Variants in CCDC88C observed in about 807,000 individuals in gnomAD.
CCDC88C encodes protein Daple.
In CCDC88C, 131 loss-of-function variants were observed where a neutral mutation model predicts 198.8. The ratio of observed to expected loss-of-function variants is 0.66; its 90% CI spans 0.57 to 0.76. The LOEUF (loss-of-function observed/expected upper bound fraction) is 0.76, where lower values mean the gene tolerates loss of function less well. CCDC88C is among the 30% of genes least tolerant of loss of function. The pLI is 0.00. For missense variants in CCDC88C, 2,553 were observed against 2,631.6 expected (o/e 0.97, Z 0.65); for synonymous variants, 1,166 against 1,114.7 (o/e 1.05, Z -0.92).
intron 24 of CCDC88C, among the ~76,000 whole-genome samples, chr14:91,290,267 G>A (rs1255494450): frequency 2.0e-5 from 3 of 152,112 alleles, no homozygotes; most frequent in African/African-American, 7.3e-5. Context: ...GCGAGACTCC[G>A]TCTCAAAACA....
intron 3 of CCDC88C, among the ~76,000 whole-genome samples, chr14:91,404,577 G>C (rs1000243195): frequency 2.0e-5 from 3 of 152,132 alleles, no homozygotes; most frequent in African/African-American, 4.8e-5. Context: ...CTGCAGATCT[G>C]GGGACCATCC....
At chr14:91,379,757 C>T (rs1416453288) in intron 3 of CCDC88C, 8 of 692,382 alleles carry the variant, frequency 1.2e-5, no homozygotes, top group Admixed American at 8.1e-5. Flanking sequence ...AGCCACACCC[C>T]GTGCCCGGGC....
chr14:91,286,970 T>C (rs909857031), intron 25 of CCDC88C, among the ~76,000 whole-genome samples: 1 of 152,244 alleles, frequency 6.6e-6, no homozygotes, highest in African/African-American at 2.4e-5. Context: ...TAGAGGGTGC[T>C]GGGCCCAGAG....
intron 3 of CCDC88C, among the ~76,000 whole-genome samples, chr14:91,377,503 C>A (rs769409074): frequency 6.6e-6 from 1 of 152,088 alleles, no homozygotes; most frequent in Non-Finnish European, 1.5e-5. Flanking sequence ...TGGGACTCGT[C>A]GTCAGTTCTT....
At chr14:91,283,627 C>G in intron 25 of CCDC88C, 110 bp from the exon 26 acceptor site, 1 of 1,058,004 alleles carries the variant, frequency 9.5e-7, no homozygotes, top group Non-Finnish European at 1.3e-6. Flanking sequence ...ACCACAGAGA[C>G]AAAAGCGGGG....
Position 91,338,498 on chromosome 14 carries a change from A to G in CCDC88C, c.882T>C (p.Val294=). 6.4e-7 allele frequency: 1 copy of G among 1,566,778 alleles called. No homozygotes were observed. Among genetic ancestry groups the G allele is most frequent in the Non-Finnish European group, 8.7e-7 (1 of 1,156,044 alleles). Residue 294 remains valine, a synonymous_variant, in exon 9 of 30, where the codon GTT becomes GTC. Transcript: ENST00000389857. This position sits in a 1 kb window ranked among gnomAD's most constrained non-coding sequence, Gnocchi z 4.8. ...CAGGCCCCCGACTCACCTCCTGCTT[A>G]ACTTTCTGCAGTTCCAGCACCAGCT... The part of the protein sequence containing the change: ...VDQLVLELQK[V]KQENIQLAAD...
intron 12 of CCDC88C, among the ~76,000 whole-genome samples, chr14:91,323,774 C>A (rs1358133800): frequency 1.3e-5 from 2 of 152,244 alleles, no homozygotes; most frequent in African/African-American, 4.8e-5. Flanking sequence ...AGGGGGCGCC[C>A]CCAACTTGGA....
In CCDC88C at chr14:91,359,634, T is replaced by C. The variant is rs774938722; in HGVS notation, c.340+8A>G. The C allele has an allele frequency of 1.9e-5, 30 of 1,602,922 alleles. No individual in the cohort carries two copies. The highest frequency in any genetic ancestry group is 2.5e-5 in the Non-Finnish European group (29 of 1,174,644). On this transcript the variant is annotated splice_region_variant and intron_variant, in intron 4 of 29. Coordinates refer to ENST00000389857, the MANE Select transcript of CCDC88C (RefSeq NM_001080414.4). ...ACCACAGGGGAGAAGGGAGCGGCTTTCACTCACCAGACAGTGGGTCTCTGC... is the reference window on the plus strand; with the variant it reads ...ACCACAGGGGAGAAGGGAGCGGCTTCCACTCACCAGACAGTGGGTCTCTGC...
At chr14:91,283,700 C>T in intron 25 of CCDC88C, 183 bp from the exon 26 acceptor site, 1 of 616,884 alleles carries the variant, frequency 1.6e-6, no homozygotes, top group Non-Finnish European at 2.8e-6. Context: ...GGCAAGAGGG[C>T]TTGGCTTCAG....
In CCDC88C at chr14:91,305,675, A is replaced by G. The variant is rs528762562; in HGVS notation, c.3357+90T>C. 7.9e-6 allele frequency: 10 copies of G among 1,261,096 alleles called. No homozygotes were observed. The African/African-American group carries it at 8.9e-5, about 11-fold the overall frequency. The allele number at this position is 1,261,096 out of a possible 1,614,324, so 78.1% of individuals were successfully genotyped here. A position where few individuals can be genotyped will look rare whatever the true frequency, so the allele number is the denominator to read the frequency against. ...TTTGTGCTTTGATCTGCTGCTTTTG[A>G]GGAGTCCTAATGCCCCCAGTTGGTC... On this transcript the variant is annotated intron_variant, in intron 19 of 29. Transcript: ENST00000389857.
chr14:91,329,042 G>C (rs2139838571), intron 10 of CCDC88C, among the ~76,000 whole-genome samples: 1 of 152,306 alleles, frequency 6.6e-6, no homozygotes, highest in South Asian at 2.1e-4. Flanking sequence ...TCAGTGGGGA[G>C]GGTCTGGGTC....
Position 91,313,442 on chromosome 14 carries a change from G to A in CCDC88C, c.2374C>T (p.Leu792=), listed in dbSNP as rs377167243. The A allele has an allele frequency of 1.1e-5, 18 of 1,607,142 alleles. No homozygotes were observed. In the African/African-American group the frequency reaches 1.7e-4, roughly 15 times the overall value. ...TQTLESELGE[L]EAERQALRRD... ...CGCAGCGCCTGGCGCTCAGCCTCCA[G>A]CTCGCCCAGCTCACTCTCCAAGGTC... is the stretch of plus-strand genomic sequence containing the variant. Residue 792 remains leucine (L), a synonymous_variant, in exon 15 of 30, where the codon CTG becomes TTG. Coordinates refer to ENST00000389857, the MANE Select transcript of CCDC88C (RefSeq NM_001080414.4). This position sits in a 1 kb window ranked among gnomAD's most constrained non-coding sequence, Gnocchi z 5.2.
At chr14:91,387,322 GGA>G (rs1885203060) in intron 3 of CCDC88C, among the ~76,000 whole-genome samples, 1 of 152,192 alleles carries the variant, frequency 6.6e-6, no homozygotes, top group Non-Finnish European at 1.5e-5. Context: ...GGGTTGTCAT[GGA>G]GAGTGCCAAC....
At chr14:91,417,113 T>G (rs1372358309) in intron 1 of CCDC88C, 1 of 702,806 alleles carries the variant, frequency 1.4e-6, no homozygotes, top group Non-Finnish European at 2.6e-6. Flanking sequence ...AAAGGACTTT[T>G]CAATAAATGT....
chr14:91,339,865 C>T lies in CCDC88C; in HGVS notation c.624+19G>A. The stretch of plus-strand genomic sequence containing the variant: ...AAGCCCCTTCCCAGGCTGACCGGGC[C>T]ACCGACCCGCGGACGCACCTCGGTG... On this transcript the variant is annotated intron_variant, in intron 7 of 29. Coordinates refer to ENST00000389857, the MANE Select transcript of CCDC88C (RefSeq NM_001080414.4). This position sits in a 1 kb window ranked among gnomAD's most constrained non-coding sequence, Gnocchi z 5.8. 2 of 1,568,880 alleles carry T rather than the reference C, an allele frequency of 1.3e-6. No individual in the cohort carries two copies. The highest frequency in any genetic ancestry group is 1.2e-5 in the South Asian group (1 of 85,640).
intron 10 of CCDC88C, among the ~76,000 whole-genome samples, chr14:91,337,636 C>G (rs971878715): frequency 1.2e-4 from 18 of 152,264 alleles, no homozygotes; most frequent in African/African-American, 4.3e-4. Flanking sequence ...CCGCTGCACC[C>G]GGTTGCCCGT....
rs1200133498 is a variant in CCDC88C at position 91,381,915 on chromosome 14, GA to G, written c.271-22205del. Among the ~76,000 whole-genome samples the G allele has an allele frequency of 5.3e-5, 8 of 152,120 alleles. No homozygotes were observed. Among genetic ancestry groups the G allele is most frequent in the Non-Finnish European group, 1.0e-4 (7 of 68,014 alleles). The stretch of plus-strand genomic sequence containing the variant: ...GAGCCCACCTCCCTGCCTCCTTCTT[GA>G]TGCCTTCCACGGTGTATTTTCTGAA... On this transcript the variant is annotated intron_variant, in intron 3 of 29. Transcript: ENST00000389857. This position sits in a 1 kb window ranked among gnomAD's most constrained non-coding sequence, Gnocchi z 4.2.
intron 6 of CCDC88C, 117 bp from the exon 7 acceptor site, chr14:91,340,141 A>G: frequency 2.1e-6 from 3 of 1,411,512 alleles, no homozygotes; most frequent in Non-Finnish European, 1.9e-6. Context: ...TGACAAATTT[A>G]CGGTGGCCAG....
intron 12 of CCDC88C, among the ~76,000 whole-genome samples, chr14:91,322,893 C>T (rs1398050515): frequency 1.4e-5 from 2 of 147,616 alleles, no homozygotes; most frequent in East Asian, 1.9e-4. Context: ...TACTAAAACG[C>T]CAGTGTTTCT....
Sources: gnomAD v4.1 joint callset for allele counts (sites outside exome capture counted in the v4.1 genomes callset) on GRCh38, gnomAD v4.1.1 for gene constraint, Gnocchi (gnomAD v3.1) non-coding constraint, MANE v1.5 for transcripts, NCBI Gene and HGNC (gene_info 2026-07-23, HGNC 2026-07-21) for gene names.